The following LMO7 variants were observed in gnomAD, a reference collection of about 807,000 sequenced individuals.
The protein encoded by LMO7 is LIM domain only protein 7.
In LMO7, 120 loss-of-function variants were observed where a neutral mutation model predicts 206.5. That is an observed-to-expected ratio of 0.58 (90% CI 0.50 to 0.68). The LOEUF (loss-of-function observed/expected upper bound fraction) is 0.68, where lower values mean the gene tolerates loss of function less well. Ranked by LOEUF, LMO7 falls within the 30% of genes least tolerant of loss-of-function variation. The pLI is 0.00. For synonymous variants in LMO7, 706 were observed against 681.5 expected (o/e 1.04, Z -0.56); for missense variants, 1,959 against 1,957.9 (o/e 1.00, Z -0.01).
At chr13:75,731,228 G>A (rs1398101071) in intron 3 of LMO7, among the ~76,000 whole-genome samples, 1 of 152,138 alleles carries the variant, frequency 6.6e-6, no homozygotes, top group Non-Finnish European at 1.5e-5. Context: ...TGACAGTGGG[G>A]TGTTAAAGTC....
At chr13:75,702,792 T>C (rs1021138156) in intron 1 of LMO7, among the ~76,000 whole-genome samples, 1 of 152,234 alleles carries the variant, frequency 6.6e-6, no homozygotes, top group Non-Finnish European at 1.5e-5. Context: ...TAGCAGGTTG[T>C]CATTAAATAA....
intron 1 of LMO7, among the ~76,000 whole-genome samples, chr13:75,696,844 A>G (rs1306843370): frequency 6.6e-6 from 1 of 152,038 alleles, no homozygotes; most frequent in Non-Finnish European, 1.5e-5. Flanking sequence ...GGGTGGACTG[A>G]GCCGAGGGGA....
At chr13:75,733,882 T>A (rs2045537780) in intron 3 of LMO7, among the ~76,000 whole-genome samples, 1 of 152,224 alleles carries the variant, frequency 6.6e-6, no homozygotes, top group South Asian at 2.1e-4. Context: ...TTGTTCAGGG[T>A]CACCTTCTGA....
intron 1 of LMO7, among the ~76,000 whole-genome samples, chr13:75,695,155 G>C (rs1018469600): frequency 2.0e-5 from 3 of 152,212 alleles, no homozygotes; most frequent in Non-Finnish European, 4.4e-5. Context: ...CTAGAAGGCA[G>C]AATCCATGTA....
Position 75,858,106 on chromosome 13 carries a change from A to G in LMO7, c.*163A>G, listed in dbSNP as rs1348115246. On this transcript the variant is annotated 3_prime_UTR_variant, in exon 31 of 31. Coordinates refer to ENST00000377534, the MANE Select transcript of LMO7 (RefSeq NM_001306080.2). ...TACATAGAAGCATTGTAGTCTTGGT[A>G]GAACCAGTATTTTTGTTGTTTATTT... is the stretch of plus-strand genomic sequence containing the variant. The G allele has an allele frequency of 9.6e-6, 6 of 627,738 alleles. No homozygotes were observed. Among genetic ancestry groups the G allele is most frequent in the Middle Eastern group, 3.2e-4 (1 of 3,100 alleles). The allele number at this position is 627,738 out of a possible 1,614,324, so 38.9% of individuals were successfully genotyped here. A position where few individuals can be genotyped will look rare whatever the true frequency, so the allele number is the denominator to read the frequency against.
intron 3 of LMO7, among the ~76,000 whole-genome samples, chr13:75,748,329 A>G (rs1171831459): frequency 6.6e-6 from 1 of 152,232 alleles, no homozygotes; most frequent in Admixed American, 6.5e-5. Flanking sequence ...CACAGATTCA[A>G]GAATCTAACT....
intron 2 of LMO7, chr13:75,628,287 T>TA (rs1243278346): frequency 6.6e-6 from 1 of 152,278 alleles, no homozygotes; most frequent in East Asian, 1.9e-4. Flanking sequence ...AATGTTCTGA[T>TA]ATGGGATTCA....
chr13:75,822,975 C>A (rs953964393), intron 14 of LMO7, among the ~76,000 whole-genome samples: 5 of 151,724 alleles, frequency 3.3e-5, no homozygotes, highest in Non-Finnish European at 7.4e-5. Context: ...ACTTTAAATG[C>A]ACATCAAATG....
intron 4 of LMO7, among the ~76,000 whole-genome samples, chr13:75,773,509 T>C (rs1566427708): frequency 6.6e-6 from 1 of 151,646 alleles, no homozygotes; most frequent in Non-Finnish European, 1.5e-5. Flanking sequence ...AGTCAATGAG[T>C]GTGGTGATAG....
At chr13:75,663,980 C>T (rs189913909) in intron 1 of LMO7, among the ~76,000 whole-genome samples, 6 of 152,092 alleles carry the variant, frequency 3.9e-5, no homozygotes, top group East Asian at 1.9e-4. Flanking sequence ...CTTTGTGTTA[C>T]GAACAATCCA....
chr13:75,817,098 C>T, intron 11 of LMO7, 63 bp from the exon 12 acceptor site: 2 of 1,136,262 alleles, frequency 1.8e-6, no homozygotes, highest in Non-Finnish European at 2.6e-6. Flanking sequence ...ACTCCAACCT[C>T]AGTTTAACCC....
intron 2 of LMO7, among the ~76,000 whole-genome samples, chr13:75,715,822 C>T (rs1215803802): frequency 6.6e-6 from 1 of 152,132 alleles, no homozygotes; most frequent in African/African-American, 2.4e-5. Context: ...CCACATCCAC[C>T]TGTGTTATAT....
intron 1 of LMO7, among the ~76,000 whole-genome samples, chr13:75,639,754 CTG>C (rs1215617693): frequency 5.9e-5 from 9 of 152,172 alleles, no homozygotes; most frequent in Non-Finnish European, 7.4e-5. Flanking sequence ...GTTTTTTAGT[CTG>C]TAAGTTAATG....
chr13:75,771,585 T>TTTTAAAGACTTTAAAAACAGAATA (rs1178310800), intron 4 of LMO7, among the ~76,000 whole-genome samples: 5 of 151,908 alleles, frequency 3.3e-5, no homozygotes, highest in Non-Finnish European at 5.9e-5. Flanking sequence ...AAAACAGAAT[T>TTTTAAAGACTTTAAAAACAGAATA]AGTAAGTATA....
chr13:75,737,390 A>G (rs530412773), intron 3 of LMO7, among the ~76,000 whole-genome samples: 5 of 152,232 alleles, frequency 3.3e-5, no homozygotes, highest in South Asian at 2.1e-4. Flanking sequence ...CAAAAGGAAC[A>G]AAGTACCAAA....
chr13:75,677,738 C>A (rs1288059753), intron 1 of LMO7, among the ~76,000 whole-genome samples: 1 of 150,860 alleles, frequency 6.6e-6, no homozygotes, highest in Non-Finnish European at 1.5e-5. Context: ...GTGTGCTGCA[C>A]CCATTAACTC....
chr13:75,770,175 T>C (rs1441237007), intron 4 of LMO7, among the ~76,000 whole-genome samples: 1 of 32,836 alleles, frequency 3.0e-5, no homozygotes, highest in East Asian at 1.1e-3. Flanking sequence ...GTTTTGGTGA[T>C]GAATTTTTTT....
chr13:75,744,552 C>A (rs898334574), intron 3 of LMO7, among the ~76,000 whole-genome samples: 1 of 152,146 alleles, frequency 6.6e-6, no homozygotes, highest in Non-Finnish European at 1.5e-5. Context: ...CTTGGAATGT[C>A]TCCCCTTAGG....
At position 75,795,304 on chromosome 13, in the gene LMO7, T is replaced by G. The variant is rs983906439; in HGVS notation, c.318-97T>G. On this transcript the variant is annotated intron_variant, in intron 4 of 30. Coordinates refer to ENST00000377534, the MANE Select transcript of LMO7 (RefSeq NM_001306080.2). Reference sequence around the variant, plus strand: ...TTGGACTTCCATGTGATATTAATATTCATAGAATTTTAGAATAAAAATGAG... The same window carrying G: ...TTGGACTTCCATGTGATATTAATATGCATAGAATTTTAGAATAAAAATGAG... 5.1e-6 allele frequency: 4 copies of G among 782,682 alleles called. No individual in the cohort carries two copies. The African/African-American group carries it at 5.4e-5, about 11-fold the overall frequency. The allele number at this position is 782,682 out of a possible 1,614,324, so 48.5% of individuals were successfully genotyped here.
Sources: allele counts gnomAD v4.1 joint callset (sites outside exome capture counted in the v4.1 genomes callset), GRCh38; gene constraint gnomAD v4.1.1; transcripts MANE v1.5; gene names NCBI Gene and HGNC (gene_info 2026-07-23, HGNC 2026-07-21).